Variants in AGAP1 observed in about 807,000 individuals in gnomAD.
The protein encoded by AGAP1 is ArfGAP with GTPase domain, ankyrin repeat and PH domain 1.
In AGAP1, 29 loss-of-function variants were observed where a neutral mutation model predicts 105.3. The observed-to-expected ratio is 0.28, with a 90% confidence interval of 0.21 to 0.38. The LOEUF (loss-of-function observed/expected upper bound fraction) is 0.38. Ranked by LOEUF, AGAP1 falls within the 10% of genes least tolerant of loss-of-function variation. The probability of loss-of-function intolerance (pLI) is 1.00; values close to 1 mark genes in which losing one functional copy is unlikely to be tolerated. For missense variants in AGAP1, 998 were observed against 1,165.1 expected (o/e 0.86, Z 2.09); for synonymous variants, 509 against 485.9 (o/e 1.05, Z -0.63).
At chr2:235,681,210 C>G (rs1479807098) in intron 1 of AGAP1, among the ~76,000 whole-genome samples, 1 of 152,152 alleles carries the variant, frequency 6.6e-6, no homozygotes, top group African/African-American at 2.4e-5. Flanking sequence ...GGGGCTTCAC[C>G]GTGTTAGCCA....
rs1010379729 is a variant in AGAP1, at chr2:235,701,736, A to T, written c.164-7443A>T. On this transcript the variant is annotated intron_variant, in intron 1 of 17. Coordinates refer to ENST00000304032, the MANE Select transcript of AGAP1 (RefSeq NM_001037131.3). This position sits in a 1 kb window ranked among gnomAD's most constrained non-coding sequence, Gnocchi z 4.1. ...GCGGATTATGTCTGATCCAGTTTGC[A>T]GCGGGCTCTTTTCCGGCTGCGTTGA... Among the ~76,000 whole-genome samples the T allele has an allele frequency of 6.6e-6, 1 of 152,180 alleles. No homozygotes were observed. The highest frequency in any genetic ancestry group is 1.5e-5 in the Non-Finnish European group (1 of 68,034).
At chr2:236,077,981 T>C (rs978292998) in intron 16 of AGAP1, among the ~76,000 whole-genome samples, 2 of 151,998 alleles carry the variant, frequency 1.3e-5, no homozygotes, top group African/African-American at 4.8e-5. Flanking sequence ...AATTGGGTCT[T>C]TGCTCTGCTC....
intron 11 of AGAP1, among the ~76,000 whole-genome samples, chr2:235,914,591 A>G (rs1161518841): frequency 3.3e-5 from 5 of 152,226 alleles, no homozygotes; most frequent in African/African-American, 4.8e-5. Context: ...AATGCTGGAA[A>G]TGTGGTCATC....
intron 13 of AGAP1, among the ~76,000 whole-genome samples, chr2:236,022,255 C>T (rs1356776980): frequency 2.0e-5 from 3 of 152,070 alleles, no homozygotes; most frequent in African/African-American, 4.8e-5. Context: ...TTCCTAAGCT[C>T]GTAATTGACC....
intron 11 of AGAP1, among the ~76,000 whole-genome samples, chr2:235,925,009 C>T (rs2052376216): frequency 6.6e-6 from 1 of 152,126 alleles, no homozygotes; most frequent in African/African-American, 2.4e-5. Context: ...GTGGGATGTG[C>T]TGGTAGCAGC....
rs1039462074 is a variant in AGAP1 at position 235,728,336 on chromosome 2, T to A, written c.310+10692T>A. On this transcript the variant is annotated intron_variant, in intron 3 of 17. Transcript: ENST00000304032. The surrounding 1 kb of genome is among the most constrained non-coding windows in gnomAD (Gnocchi z 4.3). Reference sequence around the variant, plus strand: ...GTGTGTGTGTGTGTGTGCGTGCTCTTAAATCAATGTAAATTAGGCTATATA... The same window carrying A: ...GTGTGTGTGTGTGTGTGCGTGCTCTAAAATCAATGTAAATTAGGCTATATA... Among the ~76,000 whole-genome samples the A allele has an allele frequency of 1.3e-5, 2 of 151,916 alleles. No individual in the cohort carries two copies. Among genetic ancestry groups the A allele is most frequent in the Non-Finnish European group, 2.9e-5 (2 of 67,974 alleles).
At position 236,056,991 on chromosome 2, in the gene AGAP1, T is replaced by G. The variant is rs559486790; in HGVS notation, c.2114+7710T>G. On this transcript the variant is annotated intron_variant, in intron 16 of 17. Transcript: ENST00000304032. This position sits in a 1 kb window ranked among gnomAD's most constrained non-coding sequence, Gnocchi z 4.6. ...TCTCAGTAGCCATCGTGTGTCAAAC[T>G]TACTAAATGAGTAGTGCAAACATAT... Among the ~76,000 whole-genome samples the G allele has an allele frequency of 6.6e-6, 1 of 152,316 alleles. No homozygotes were observed. The highest frequency in any genetic ancestry group is 2.1e-4 in the South Asian group (1 of 4,826).
chr2:235,494,599 C>T lies in AGAP1; in HGVS notation c.-88C>T. On this transcript the variant is annotated 5_prime_UTR_variant, in exon 1 of 18. Transcript: ENST00000304032. ...GGCGGGCCCGGCTCCCCGGGGGCTGCGGCGCCCCGGGCTCGGCGGCCCGCG... is the reference window on the plus strand; with the variant it reads ...GGCGGGCCCGGCTCCCCGGGGGCTGTGGCGCCCCGGGCTCGGCGGCCCGCG... 1 of 565,452 alleles carries T rather than the reference C, an allele frequency of 1.8e-6. No individual in the cohort carries two copies. Among genetic ancestry groups the T allele is most frequent in the Non-Finnish European group, 2.2e-6 (1 of 452,508 alleles). The allele number at this position is 565,452 out of a possible 1,614,324, so 35.0% of individuals were successfully genotyped here.
chr2:235,848,534 G>A (rs1354416306), intron 9 of AGAP1, among the ~76,000 whole-genome samples: 1 of 152,218 alleles, frequency 6.6e-6, no homozygotes, highest in East Asian at 1.9e-4. Context: ...ATAATTCACA[G>A]TGAAACTAAT....
At chr2:235,924,299 G>T (rs1466313313) in intron 11 of AGAP1, among the ~76,000 whole-genome samples, 1 of 152,102 alleles carries the variant, frequency 6.6e-6, no homozygotes, top group African/African-American at 2.4e-5. Context: ...GTACCTTCCA[G>T]CAGCGGTGGG....
chr2:235,892,276 C>A (rs1274081679), intron 10 of AGAP1, among the ~76,000 whole-genome samples: 1 of 152,164 alleles, frequency 6.6e-6, no homozygotes, highest in Non-Finnish European at 1.5e-5. Flanking sequence ...AAATTTTCCT[C>A]CTTTAAAATT....
intron 1 of AGAP1, among the ~76,000 whole-genome samples, chr2:235,671,330 C>T (rs1330938274): frequency 2.0e-5 from 3 of 152,188 alleles, no homozygotes; most frequent in East Asian, 1.9e-4. Flanking sequence ...TGCCAGCCGG[C>T]GCCGACCTCC....
chr2:236,098,337 G>A (rs952093207), intron 16 of AGAP1, among the ~76,000 whole-genome samples: 1 of 152,012 alleles, frequency 6.6e-6, no homozygotes, highest in Non-Finnish European at 1.5e-5. Flanking sequence ...CAGCACTTTG[G>A]GAGGCTGACA....
At chr2:235,507,690 G>A (rs1941883921) in intron 1 of AGAP1, 2 of 152,174 alleles carry the variant, frequency 1.3e-5, no homozygotes, top group Admixed American at 1.3e-4. Context: ...CAGGTCAGGA[G>A]CCTGCAGCCT....
At position 235,690,257 on chromosome 2, in the gene AGAP1, C is replaced by CTTT; in HGVS notation, c.164-18921_164-18920insTTT. Among the ~76,000 whole-genome samples, 2 of 152,110 alleles carry CTTT rather than the reference C, an allele frequency of 1.3e-5. No individual in the cohort carries two copies. The highest frequency in any genetic ancestry group is 4.2e-4 in the South Asian group (2 of 4,804). ...TCTTAAACAACCCTGGAATGTTGAGCTAAAAGGGACTCTGACCCTCCCTCC... is the reference window on the plus strand; with the variant it reads ...TCTTAAACAACCCTGGAATGTTGAGCTTTTAAAAGGGACTCTGACCCTCCCTCC... On this transcript the variant is annotated intron_variant, in intron 1 of 17. Coordinates refer to ENST00000304032, the MANE Select transcript of AGAP1 (RefSeq NM_001037131.3). The surrounding 1 kb of genome is among the most constrained non-coding windows in gnomAD (Gnocchi z 4.1).
chr2:235,661,756 G>A lies in AGAP1; in HGVS notation c.164-47423G>A, dbSNP rs370414616. On this transcript the variant is annotated intron_variant, in intron 1 of 17. Coordinates refer to ENST00000304032, the MANE Select transcript of AGAP1 (RefSeq NM_001037131.3). ...AGTGCACTGGAGTTCGTACAGATCCGCCTTTGGGGCATGCCCAGGGGGGTC... is the reference window on the plus strand; with the variant it reads ...AGTGCACTGGAGTTCGTACAGATCCACCTTTGGGGCATGCCCAGGGGGGTC... Among the ~76,000 whole-genome samples, 75 of 152,310 alleles carry A rather than the reference G, an allele frequency of 4.9e-4. 1 individual carries two copies. The East Asian group carries it at 7.4e-3, about 15-fold the overall frequency.
At chr2:236,102,840 C>T (rs567638149) in intron 16 of AGAP1, among the ~76,000 whole-genome samples, 6 of 152,192 alleles carry the variant, frequency 3.9e-5, no homozygotes, top group South Asian at 2.1e-4. Context: ...AAAATATGTC[C>T]GGCTGCTTCT....
At chr2:235,533,051 A>G (rs1419965831) in intron 1 of AGAP1, among the ~76,000 whole-genome samples, 1 of 152,214 alleles carries the variant, frequency 6.6e-6, no homozygotes. Flanking sequence ...TTATAAAGGA[A>G]AAAACCCCAC....
In AGAP1 at chr2:235,717,968, AT is replaced by A. The variant is rs548870120; in HGVS notation, c.310+326del. 4.1e-3 allele frequency among the ~76,000 whole-genome samples: 621 copies of A among 152,318 alleles called. 5 individuals carry two copies. The highest frequency in any genetic ancestry group is 6.3e-3 in the Non-Finnish European group (431 of 68,026). ...TTGCTCCTTTAAATATTGACTGGAC[AT>A]TCCTGTGATCTGGATATTGAATTTA... is the stretch of plus-strand genomic sequence containing the variant. On this transcript the variant is annotated intron_variant, in intron 3 of 17. Coordinates refer to ENST00000304032, the MANE Select transcript of AGAP1 (RefSeq NM_001037131.3).
Sources: gnomAD v4.1 joint callset for allele counts (sites outside exome capture counted in the v4.1 genomes callset) on GRCh38, gnomAD v4.1.1 for gene constraint, Gnocchi (gnomAD v3.1) non-coding constraint, MANE v1.5 for transcripts, NCBI Gene and HGNC (gene_info 2026-07-23, HGNC 2026-07-21) for gene names.